Variants in SH3BGR observed in about 807,000 individuals in gnomAD.
SH3BGR encodes SH3 domain-binding glutamic acid-rich protein.
In SH3BGR, 29 loss-of-function variants were observed where a neutral mutation model predicts 24.5. That is an observed-to-expected ratio of 1.18 (90% CI 0.88 to 1.61). The LOEUF (loss-of-function observed/expected upper bound fraction) is 1.61, where lower values mean the gene tolerates loss of function less well. Among genes scored for constraint, SH3BGR ranks in the 40% most tolerant of loss-of-function variants. The probability of loss-of-function intolerance (pLI) is 0.00; values close to 1 mark genes in which losing one functional copy is unlikely to be tolerated. For synonymous variants in SH3BGR, 55 were observed against 65.7 expected, an observed-to-expected ratio of 0.84 and a Z score of 0.79; for missense variants, 162 against 205.8, an observed-to-expected ratio of 0.79 and a Z score of 1.30.
At chr21:39,455,070 ATAC>A (rs1016531591) in intron 1 of SH3BGR, among the ~76,000 whole-genome samples, 26 of 152,234 alleles carry the variant, frequency 1.7e-4, no homozygotes, top group African/African-American at 6.0e-4. Context: ...AGTGTGCTTT[ATAC>A]TACAGTACAG....
chr21:39,510,817 T>A (rs2078674563), intron 5 of SH3BGR, among the ~76,000 whole-genome samples: 1 of 149,946 alleles, frequency 6.7e-6, no homozygotes, highest in African/African-American at 2.4e-5. Flanking sequence ...AGAAATTAGC[T>A]TGTTACAAGA....
Position 39,458,832 on chromosome 21 carries a change from A to T in SH3BGR, c.46-3543A>T, listed in dbSNP as rs151291775. On this transcript the variant is annotated intron_variant, in intron 1 of 6. Coordinates refer to ENST00000333634, the MANE Select transcript of SH3BGR (RefSeq NM_007341.3). ...TGGCTCATTTTTGTATTTTTAGTAGAGACGAGGTTTTACCATGTTGGCCAG... is the reference window on the plus strand; with the variant it reads ...TGGCTCATTTTTGTATTTTTAGTAGTGACGAGGTTTTACCATGTTGGCCAG... Among the ~76,000 whole-genome samples, 1,465 of 151,614 alleles carry T rather than the reference A, an allele frequency of 9.7e-3. 12 individuals carry two copies. Among genetic ancestry groups the T allele is most frequent in the Non-Finnish European group, 0.016 (1,073 of 67,924 alleles).
intron 3 of SH3BGR, among the ~76,000 whole-genome samples, chr21:39,482,876 G>T (rs992760880): frequency 1.3e-5 from 2 of 152,110 alleles, no homozygotes; most frequent in African/African-American, 4.8e-5. Context: ...CACCATGTTG[G>T]CCAGGCTGGT....
intron 6 of SH3BGR, among the ~76,000 whole-genome samples, chr21:39,513,531 T>C (rs2078733366): frequency 6.6e-6 from 1 of 152,034 alleles, no homozygotes; most frequent in Non-Finnish European, 1.5e-5. Flanking sequence ...AAAGGTTTTG[T>C]CATTCATTTG....
chr21:39,488,484 A>T (rs2078246268), intron 3 of SH3BGR: 2 of 282,200 alleles, frequency 7.1e-6, no homozygotes, highest in Admixed American at 4.2e-5. Context: ...GTCCTGGGGG[A>T]ACCTCAGGAG....
intron 5 of SH3BGR, among the ~76,000 whole-genome samples, chr21:39,510,540 A>G (rs2078669568): frequency 6.6e-6 from 1 of 151,520 alleles, no homozygotes; most frequent in Non-Finnish European, 1.5e-5. Context: ...ATGTGTCTAT[A>G]TTTGGGGAGG....
chr21:39,487,639 C>G (rs1435447019), intron 3 of SH3BGR, among the ~76,000 whole-genome samples: 2 of 152,198 alleles, frequency 1.3e-5, no homozygotes, highest in East Asian at 3.8e-4. Flanking sequence ...ATAGTAACAT[C>G]TTCTATTGGA....
chr21:39,449,186 C>T (rs1472237786), upstream of SH3BGR, among the ~76,000 whole-genome samples: 1 of 152,164 alleles, frequency 6.6e-6, no homozygotes. Context: ...TTAGTAGATC[C>T]TCTGCAACCT....
chr21:39,450,547 C>T (rs1211231378), upstream of SH3BGR, among the ~76,000 whole-genome samples: 5 of 152,064 alleles, frequency 3.3e-5, no homozygotes, highest in Admixed American at 6.5e-5. Flanking sequence ...TGCTTCGGAA[C>T]GTCGGTGCCA....
chr21:39,462,550 A>G lies in SH3BGR; in HGVS notation c.221A>G (p.Gln74Arg), dbSNP rs1252918074. 3 of 1,571,388 alleles carry G rather than the reference A, an allele frequency of 1.9e-6. No homozygotes were observed. The Admixed American group carries it at 6.6e-5, about 35-fold the overall frequency. ...CCTCCCCAGATCTTCAATGAGGAGCAGTACTGTGGGGTGAGTATGTGCTTC... is the reference window on the plus strand; with the variant it reads ...CCTCCCCAGATCTTCAATGAGGAGCGGTACTGTGGGGTGAGTATGTGCTTC... ...PLPPQIFNEE[Q>R]YCGDFDSFFS... Residue 74 changes from glutamine (Q) to arginine (R), a missense_variant, in exon 2 of 7, where the codon CAG becomes CGG. Physicochemically the swap from Gln to Arg is conservative, Grantham distance 43. Transcript: ENST00000333634.
intron 1 of SH3BGR, chr21:39,446,227 A>G (rs1020079961): frequency 6.6e-6 from 1 of 151,974 alleles, no homozygotes; most frequent in East Asian, 1.9e-4. Flanking sequence ...TTTGGCATAG[A>G]GAATTTAGAA....
At chr21:39,492,637 C>T (rs922478805) in intron 3 of SH3BGR, among the ~76,000 whole-genome samples, 7 of 151,868 alleles carry the variant, frequency 4.6e-5, no homozygotes, top group African/African-American at 1.7e-4. Context: ...GGGTAGATAC[C>T]CAGTAGTGGG....
intron 5 of SH3BGR, among the ~76,000 whole-genome samples, chr21:39,510,824 A>C (rs1182464743): frequency 6.7e-6 from 1 of 149,810 alleles, no homozygotes; most frequent in Non-Finnish European, 1.5e-5. Context: ...AGCTTGTTAC[A>C]AGAAAATGTA....
chr21:39,463,651 A>G (rs1437599513), intron 2 of SH3BGR, among the ~76,000 whole-genome samples: 2 of 152,154 alleles, frequency 1.3e-5, no homozygotes, highest in Non-Finnish European at 2.9e-5. Context: ...CTGTTTTATA[A>G]ATTTATAAAT....
rs758809374 is a variant in SH3BGR at position 39,462,387 on chromosome 21, C to T, written c.58C>T (p.Gln20Ter). 1.2e-6 allele frequency: 2 copies of T among 1,605,222 alleles called. No homozygotes were observed. The highest frequency in any genetic ancestry group is 8.5e-7 in the Non-Finnish European group (1 of 1,177,890). ...TACTCTTGACCAGATTAGGAAGAAA[C>T]AGCAAGAAGTAGTGGGTTTTTTGGA... ...SSGSIAIRKKQQEVVGFLEAN... is the reference protein window; with the variant it reads ...SSGSIAIRKK The change falls in exon 2 of 7, where the codon CAG becomes TAG. Residue 20 changes from glutamine (Q) to a stop codon, truncating the protein, a stop_gained. Coordinates refer to ENST00000333634, the MANE Select transcript of SH3BGR (RefSeq NM_007341.3). LOFTEE classifies it high-confidence loss of function.
At chr21:39,452,236 G>A (rs1201096081) in intron 1 of SH3BGR, 95 bp downstream of exon 1, 7 of 1,429,152 alleles carry the variant, frequency 4.9e-6, no homozygotes, top group African/African-American at 1.4e-5. Context: ...TCTTTTTTGC[G>A]TGTAGTCAGC....
upstream of SH3BGR, among the ~76,000 whole-genome samples, chr21:39,449,691 G>C (rs556527380): frequency 5.9e-5 from 9 of 152,186 alleles, no homozygotes; most frequent in Non-Finnish European, 7.3e-5. Flanking sequence ...TTTGAGGGTA[G>C]CATCTCAGGA....
At chr21:39,446,596 G>T (rs1157273240) in intron 1 of SH3BGR, among the ~76,000 whole-genome samples, 1 of 152,080 alleles carries the variant, frequency 6.6e-6, no homozygotes, top group Non-Finnish European at 1.5e-5. Context: ...CCATTTTATT[G>T]TCAAAAATTG....
At chr21:39,471,945 T>C (rs2077948459) in intron 2 of SH3BGR, among the ~76,000 whole-genome samples, 1 of 152,230 alleles carries the variant, frequency 6.6e-6, no homozygotes, top group Non-Finnish European at 1.5e-5. Context: ...TTCGAGTTTC[T>C]CTTTTATTTC....
Sources: gnomAD v4.1 joint callset for allele counts (sites outside exome capture counted in the v4.1 genomes callset) on GRCh38, gnomAD v4.1.1 for gene constraint, MANE v1.5 for transcripts, NCBI Gene and HGNC (gene_info 2026-07-23, HGNC 2026-07-21) for gene names.